Variants in OBSL1 observed in about 807,000 individuals in gnomAD.
The protein encoded by OBSL1 is obscurin-like protein 1.
Under a neutral mutation model 172.0 loss-of-function variants are expected in OBSL1, and 160 were observed. The ratio of observed to expected loss-of-function variants is 0.93; its 90% CI spans 0.82 to 1.06. The LOEUF (loss-of-function observed/expected upper bound fraction) is 1.06, where lower values mean the gene tolerates loss of function less well. OBSL1 is among the 50% of genes least tolerant of loss of function. OBSL1 has a pLI of 0.00. For missense variants in OBSL1, 2,681 were observed against 2,715.4 expected, an observed-to-expected ratio of 0.99 and a Z score of 0.28; for synonymous variants, 1,200 against 1,196.3, an observed-to-expected ratio of 1.00 and a Z score of -0.06.
chr2:219,563,243 G>A (rs907305505), intron 7 of OBSL1, 112 bp downstream of exon 7: 16 of 1,122,902 alleles, frequency 1.4e-5, no homozygotes, highest in Middle Eastern at 4.9e-4. Flanking sequence ...ATCTGCCAGG[G>A]GGAGGGCAGT....
In OBSL1 at chr2:219,562,413, A is replaced by C; in HGVS notation, c.2942T>G (p.Val981Gly). Residue 981 changes from valine to glycine, a missense_variant, in exon 8 of 21, where the codon GTC (valine) becomes GGC (glycine). Transcript: ENST00000404537. ...EIDDESASFT[V>G]TVTEPPVRII... ...GGCTGGGCCCACACCTGTGACGGTG[A>C]CAGTGAAGGAGGCCGACTCATCGTC... is the stretch of plus-strand genomic sequence containing the variant. 1 of 1,613,480 alleles carries C rather than the reference A, an allele frequency of 6.2e-7. No homozygotes were observed. Among genetic ancestry groups the C allele is most frequent in the Non-Finnish European group, 8.5e-7 (1 of 1,179,610 alleles).
chr2:219,557,150 C>G, intron 12 of OBSL1, 193 bp downstream of exon 12: 1 of 543,948 alleles, frequency 1.8e-6, no homozygotes, highest in Non-Finnish European at 3.0e-6. Context: ...CTTTTAACCA[C>G]TGGTTTATGC....
At chr2:219,549,433 C>T (rs183432189), downstream of OBSL1, 67 of 1,500,458 alleles carry the variant, frequency 4.5e-5, no homozygotes, top group Admixed American at 4.3e-4. Context: ...GCTTTCCCCA[C>T]GGGCTGGTTG....
chr2:219,567,569 T>G lies in OBSL1; in HGVS notation c.1541A>C (p.Lys514Thr), dbSNP rs576899725. ...TATGGGGGGTCCTGGGGGACTGTGC[T>G]TGACACCTGAGACCAAGGCAGGGAT... The part of the protein sequence containing the change: ...TTTLLRVKCV[K>T]HSPPGPPILA... Residue 514 changes from lysine (K) to threonine (T), a missense_variant, in exon 4 of 21, where the codon AAG becomes ACG. Lys to Thr is a moderately conservative substitution (Grantham distance 78). This residue lies in a region of OBSL1 where 706 missense variants were observed against 695.8 expected (regional missense o/e 1.01). Transcript: ENST00000404537. 9 of 1,609,058 alleles carry G rather than the reference T, an allele frequency of 5.6e-6. No individual in the cohort carries two copies. The African/African-American group carries it at 1.2e-4, about 21-fold the overall frequency.
intron 14 of OBSL1, 162 bp downstream of exon 14, chr2:219,555,858 A>C: frequency 7.0e-7 from 1 of 1,435,742 alleles, no homozygotes; most frequent in Non-Finnish European, 9.1e-7. Flanking sequence ...AAATATTAGA[A>C]AAAGAAAAGT....
downstream of OBSL1, chr2:219,547,503 C>T (rs374081048): frequency 2.1e-6 from 3 of 1,420,472 alleles, no homozygotes; most frequent in African/African-American, 4.4e-5. Flanking sequence ...TGTTCCCCTC[C>T]AGGTTACCGC....
At position 219,568,286 on chromosome 2, in the gene OBSL1, C is replaced by T. The variant is rs766113755; in HGVS notation, c.1051G>A (p.Glu351Lys). The change falls in exon 2 of 21, where the codon GAG becomes AAG. Residue 351 changes from glutamate (E) to lysine (K), a missense_variant. This residue lies in a region of OBSL1 where 706 missense variants were observed against 695.8 expected (regional missense o/e 1.01). Coordinates refer to ENST00000404537, the MANE Select transcript of OBSL1 (RefSeq NM_015311.3). This position sits in a 1 kb window ranked among gnomAD's most constrained non-coding sequence, Gnocchi z 4.1. Reference sequence around the variant, plus strand: ...ACGGCAATCCCGTGCTCACGGCCCTCCACGTCCTGCAGGGGCCGTGTGAAC... The same window carrying T: ...ACGGCAATCCCGTGCTCACGGCCCTTCACGTCCTGCAGGGGCCGTGTGAAC... Reference protein sequence around the residue: ...LRFTRPLQDVEGREHGIAVLE... With the variant: ...LRFTRPLQDVKGREHGIAVLE... 1.2e-6 allele frequency: 2 copies of T among 1,608,678 alleles called. No individual in the cohort carries two copies. The highest frequency in any genetic ancestry group is 4.5e-5 in the East Asian group (2 of 44,722).
chr2:219,552,266 T>C (rs1695672936), intron 18 of OBSL1, 50 bp from the exon 19 acceptor site: 5 of 1,513,654 alleles, frequency 3.3e-6, no homozygotes, highest in South Asian at 1.2e-5. Context: ...CTGAGGAGCG[T>C]TGGGGACGAA....
At chr2:219,560,583 G>A (rs1696385314) in intron 8 of OBSL1, among the ~76,000 whole-genome samples, 1 of 148,050 alleles carries the variant, frequency 6.8e-6, no homozygotes, top group African/African-American at 2.4e-5. Flanking sequence ...CTGAGGAACT[G>A]CTAGCTTCCC....
At position 219,570,457 on chromosome 2, in the gene OBSL1, T is replaced by A; in HGVS notation, c.776A>T (p.Glu259Val). ...KCAPKTFWVN[E>V]GKHAKFRCYV... ...GCAGCGGAACTTGGCGTGCTTGCCCTCGTTCACCCAGAAGGTCTTAGGCGC... is the reference window on the plus strand; with the variant it reads ...GCAGCGGAACTTGGCGTGCTTGCCCACGTTCACCCAGAAGGTCTTAGGCGC... The change falls in exon 1 of 21, where the codon GAG (glutamate) becomes GTG (valine). Residue 259 changes from glutamate (E) to valine (V), a missense_variant. This residue lies in a region of OBSL1 where 706 missense variants were observed against 695.8 expected (regional missense o/e 1.01). Coordinates refer to ENST00000404537, the MANE Select transcript of OBSL1 (RefSeq NM_015311.3). 1 of 1,612,954 alleles carries A rather than the reference T, an allele frequency of 6.2e-7. No homozygotes were observed. Among genetic ancestry groups the A allele is most frequent in the Non-Finnish European group, 8.5e-7 (1 of 1,179,542 alleles).
In OBSL1 at chr2:219,556,146, G is replaced by A. The variant is rs369117003; in HGVS notation, c.4483C>T (p.Arg1495Cys). 3.8e-5 allele frequency: 62 copies of A among 1,613,844 alleles called. No individual in the cohort carries two copies. The East Asian group carries it at 6.2e-4, about 16-fold the overall frequency. ...RGGQPLPHDS[R>C]LSMAQDGHIH... ...TGCCCATCCTGGGCCATGGACAGGC[G>A]AGAGTCGTGGGGCAGGGGCTGCCCA... The change falls in exon 14 of 21, where the codon CGC (arginine) becomes TGC (cysteine). Residue 1495 changes from arginine (R) to cysteine (C), a missense_variant. Arg to Cys is a radical substitution (Grantham distance 180). Transcript: ENST00000404537.
chr2:219,563,657 A>G (rs1355568903), intron 6 of OBSL1, 30 bp from the exon 7 acceptor site: 13 of 1,600,158 alleles, frequency 8.1e-6, no homozygotes, highest in South Asian at 1.1e-5. Flanking sequence ...GGCATTGCAC[A>G]GACACCCCCG....
rs773764468 is a variant in OBSL1, at chr2:219,554,688, C to T, written c.4662G>A (p.Gly1554=). 5.7e-6 allele frequency: 9 copies of T among 1,589,168 alleles called. No individual in the cohort carries two copies. In the Admixed American group the frequency reaches 1.4e-4, roughly 25 times the overall value. The change falls in exon 15 of 21, where the codon GGG becomes GGA. Residue 1554 remains glycine, a synonymous_variant. Coordinates refer to ENST00000404537, the MANE Select transcript of OBSL1 (RefSeq NM_015311.3). Reference sequence around the variant, plus strand: ...GCTCCAGCTGGAAGGTGGCACTGCCCCCCTCACTGATGGTCACGTCCTCCA... The same window carrying T: ...GCTCCAGCTGGAAGGTGGCACTGCCTCCCTCACTGATGGTCACGTCCTCCA... ...RPLEDVTISE[G]GSATFQLELS...
chr2:219,558,700 C>T (rs1696229909), intron 9 of OBSL1, among the ~76,000 whole-genome samples: 1 of 152,198 alleles, frequency 6.6e-6, no homozygotes, highest in Admixed American at 6.5e-5. Context: ...GGCTGAGGAC[C>T]TGAGGCCTCT....
At chr2:219,554,915 G>T in intron 14 of OBSL1, 175 bp from the exon 15 acceptor site, 1 of 653,098 alleles carries the variant, frequency 1.5e-6, no homozygotes. Flanking sequence ...CAGATTTGGC[G>T]GGGGGAGGGC....
chr2:219,555,778 T>C, intron 14 of OBSL1: 1 of 1,377,774 alleles, frequency 7.3e-7, no homozygotes, highest in Non-Finnish European at 9.4e-7. Flanking sequence ...AATATTTGTG[T>C]TTATAGCAAA....
chr2:219,558,247 C>T lies in OBSL1; in HGVS notation c.3439G>A (p.Asp1147Asn). The change falls in exon 10 of 21, where the codon GAC (aspartate) becomes AAC (asparagine). Residue 1147 changes from aspartate (D) to asparagine (N), a missense_variant. Around this residue, in one of 5 missense-constraint regions of OBSL1, gnomAD observed 1,765 missense variants for 1,748.3 expected, o/e 1.01. Coordinates refer to ENST00000404537, the MANE Select transcript of OBSL1 (RefSeq NM_015311.3). Reference protein sequence around the residue: ...TLTLPHAQPEDAGEYVCETRH... With the variant: ...TLTLPHAQPENAGEYVCETRH... ...GTCTCACACACATACTCCCCGGCGT[C>T]CTCAGGCTGGGCGTGGGGCAGGGTC... is the stretch of plus-strand genomic sequence containing the variant. 6.2e-7 allele frequency: 1 copy of T among 1,610,802 alleles called. No individual in the cohort carries two copies. Among genetic ancestry groups the T allele is most frequent in the Non-Finnish European group, 8.5e-7 (1 of 1,178,452 alleles).
rs777178342 is a variant in OBSL1 at position 219,556,530 on chromosome 2, G to A, written c.4260C>T (p.Gly1420=). 4 of 1,613,870 alleles carry A rather than the reference G, an allele frequency of 2.5e-6. No individual in the cohort carries two copies. The highest frequency in any genetic ancestry group is 3.4e-6 in the Non-Finnish European group (4 of 1,179,908). The part of the protein sequence containing the change: ...NGSSRILTLR[G]CQLGDAGTVT... ...CGGTCCCTGCATCCCCCAGTTGGCA[G>A]CCTCGCAAGGTTAAGATGCGGCTTG... The change falls in exon 13 of 21, where the codon GGC becomes GGT. Residue 1420 remains glycine (G), a synonymous_variant. Coordinates refer to ENST00000404537, the MANE Select transcript of OBSL1 (RefSeq NM_015311.3).
intron 8 of OBSL1, chr2:219,562,039 T>A (rs111727006): frequency 2.9e-5 from 21 of 716,468 alleles, no homozygotes; most frequent in African/African-American, 1.0e-4. Flanking sequence ...ATGTGTGGAA[T>A]GCGCAGGGCC....
Sources: gnomAD v4.1 joint callset for allele counts (sites outside exome capture counted in the v4.1 genomes callset) on GRCh38, gnomAD v4.1.1 for gene constraint, gnomAD v4.1.1 regional missense constraint, Gnocchi (gnomAD v3.1) non-coding constraint, MANE v1.5 for transcripts, NCBI Gene and HGNC (gene_info 2026-07-23, HGNC 2026-07-21) for gene names.